The following SNX18 variants were observed in gnomAD, a reference collection of about 807,000 sequenced individuals.
SNX18 encodes sorting nexin-18.
SNX18 carries 35 observed loss-of-function variants against 48.7 expected under a neutral mutation model. That is an observed-to-expected ratio of 0.72 (90% CI 0.55 to 0.95). The LOEUF (loss-of-function observed/expected upper bound fraction) is 0.95. Ranked by LOEUF, SNX18 falls within the 40% of genes least tolerant of loss-of-function variation. The probability of loss-of-function intolerance (pLI) is 0.00; values close to 1 mark genes in which losing one functional copy is unlikely to be tolerated. For synonymous variants in SNX18, 492 were observed against 384.7 expected (o/e 1.28, Z -3.26); for missense variants, 824 against 871.0 (o/e 0.95, Z 0.68).
At chr5:54,561,395 C>T in the SNX18 span, among the ~76,000 whole-genome samples, 1 of 151,572 alleles carries the variant, frequency 6.6e-6, no homozygotes, top group African/African-American at 2.4e-5. Context: ...GTCACCTAGT[C>T]TGGGGTGCAG....
chr5:54,624,057 G>C, the SNX18 span, among the ~76,000 whole-genome samples: 1 of 152,316 alleles, frequency 6.6e-6, no homozygotes, highest in Middle Eastern at 3.4e-3. Flanking sequence ...CAGCTATCCA[G>C]TAGCGCATTG....
the SNX18 span, among the ~76,000 whole-genome samples, chr5:54,567,209 G>GTTTA: frequency 1.3e-5 from 2 of 151,978 alleles, no homozygotes; most frequent in South Asian, 2.1e-4. Context: ...GTATGTGTGT[G>GTTTA]TGTATGTGTG....
the SNX18 span, among the ~76,000 whole-genome samples, chr5:54,639,609 C>A: frequency 9.4e-6 from 1 of 105,836 alleles, no homozygotes; most frequent in Non-Finnish European, 2.1e-5. Flanking sequence ...CTTTATTTTT[C>A]ACGAGAATCT....
At chr5:54,552,500 C>T in the SNX18 span, among the ~76,000 whole-genome samples, 1 of 152,218 alleles carries the variant, frequency 6.6e-6, no homozygotes, top group Non-Finnish European at 1.5e-5. Context: ...CATATTCTGT[C>T]CTGTGGACAG....
downstream of SNX18, among the ~76,000 whole-genome samples, chr5:54,547,798 C>A (rs1241300744): frequency 2.6e-5 from 4 of 152,190 alleles, no homozygotes; most frequent in African/African-American, 9.7e-5. Context: ...GTTGCCATAA[C>A]AATGGCCTTG....
chr5:54,641,817 G>A, the SNX18 span, among the ~76,000 whole-genome samples: 1 of 152,180 alleles, frequency 6.6e-6, no homozygotes, highest in African/African-American at 2.4e-5. Flanking sequence ...GTGCGGGTGG[G>A]AGGTGCAACG....
intron 1 of SNX18, among the ~76,000 whole-genome samples, chr5:54,521,847 C>A (rs572840340): frequency 3.1e-4 from 47 of 152,270 alleles, no homozygotes; most frequent in South Asian, 1.4e-3. Context: ...GGATTACAAG[C>A]GTGAACCACC....
the SNX18 span, among the ~76,000 whole-genome samples, chr5:54,558,818 G>T: frequency 6.6e-6 from 1 of 152,128 alleles, no homozygotes; most frequent in East Asian, 1.9e-4. Flanking sequence ...CACATGCCAT[G>T]CCGAAATTCA....
chr5:54,537,172 A>G (rs189524526), intron 1 of SNX18, among the ~76,000 whole-genome samples: 11 of 152,288 alleles, frequency 7.2e-5, no homozygotes. Flanking sequence ...TCTACAGTTT[A>G]AATTAAATAA....
intron 1 of SNX18, chr5:54,520,293 C>G (rs1282340667): frequency 5.6e-6 from 1 of 178,428 alleles, no homozygotes; most frequent in African/African-American, 2.4e-5. Flanking sequence ...AGTTAGCTGT[C>G]CAACTATCAG....
the SNX18 span, among the ~76,000 whole-genome samples, chr5:54,603,724 T>C: frequency 6.6e-6 from 1 of 152,206 alleles, no homozygotes; most frequent in Non-Finnish European, 1.5e-5. Flanking sequence ...AACTCCATTC[T>C]TACTGAAAAA....
At chr5:54,546,618 C>T (rs776220917), downstream of SNX18, 5 of 152,112 alleles carry the variant, frequency 3.3e-5, no homozygotes, top group Non-Finnish European at 7.3e-5. Context: ...TTTTTCTCCA[C>T]TCATCAAGGA....
At chr5:54,565,320 TC>T in the SNX18 span, among the ~76,000 whole-genome samples, 1 of 152,072 alleles carries the variant, frequency 6.6e-6, no homozygotes, top group African/African-American at 2.4e-5. Context: ...AAGCCTATAA[TC>T]CCAGCACTTT....
the SNX18 span, among the ~76,000 whole-genome samples, chr5:54,630,207 G>A: frequency 7.4e-4 from 113 of 152,316 alleles, no homozygotes; most frequent in African/African-American, 2.6e-3. Flanking sequence ...CTGTGAACAT[G>A]GTAGGGAAAA....
the SNX18 span, among the ~76,000 whole-genome samples, chr5:54,639,749 G>C: frequency 1.3e-5 from 2 of 152,174 alleles, no homozygotes; most frequent in African/African-American, 4.8e-5. Flanking sequence ...AGCTTATCTA[G>C]GCCTGAATAA....
the SNX18 span, among the ~76,000 whole-genome samples, chr5:54,567,768 G>A: frequency 2.0e-5 from 3 of 152,202 alleles, no homozygotes; most frequent in African/African-American, 7.2e-5. Flanking sequence ...GTGCCCTGGA[G>A]GATACTCGGA....
chr5:54,605,510 T>A, the SNX18 span, among the ~76,000 whole-genome samples: 1 of 152,202 alleles, frequency 6.6e-6, no homozygotes, highest in Non-Finnish European at 1.5e-5. Flanking sequence ...ACTGAACTTT[T>A]TTACATAATT....
At chr5:54,540,195 A>G (rs1168521039) in intron 1 of SNX18, among the ~76,000 whole-genome samples, 1 of 145,226 alleles carries the variant, frequency 6.9e-6, no homozygotes, top group African/African-American at 2.6e-5. Flanking sequence ...TAAGTTGTAA[A>G]AACTTTAGAC....
the SNX18 span, among the ~76,000 whole-genome samples, chr5:54,631,732 C>A: frequency 2.0e-5 from 3 of 152,126 alleles, no homozygotes; most frequent in African/African-American, 7.2e-5. Context: ...AGAGGAGGAA[C>A]CTTAAAGGAT....
Sources: gnomAD v4.1 joint callset for allele counts (sites outside exome capture counted in the v4.1 genomes callset) on GRCh38, gnomAD v4.1.1 for gene constraint, MANE v1.5 for transcripts, NCBI Gene and HGNC (gene_info 2026-07-23, HGNC 2026-07-21) for gene names.